Variants in ARMC7 observed in about 807,000 individuals in gnomAD.
ARMC7 encodes the protein armadillo repeat-containing protein 7.
Under a neutral mutation model 14.8 loss-of-function variants are expected in ARMC7, and 9 were observed. The ratio of observed to expected loss-of-function variants is 0.61; its 90% CI spans 0.37 to 1.06. ARMC7 has a LOEUF of 1.06. ARMC7 is among the 50% of genes least tolerant of loss of function. The probability of loss-of-function intolerance (pLI) is 0.01; values close to 1 mark genes in which losing one functional copy is unlikely to be tolerated. For missense variants in ARMC7, 262 were observed against 267.1 expected (o/e 0.98, Z 0.13); for synonymous variants, 125 against 123.4 (o/e 1.01, Z -0.09).
intron 2 of ARMC7, among the ~76,000 whole-genome samples, chr17:75,120,688 C>T (rs911034424): frequency 1.3e-5 from 2 of 151,800 alleles, no homozygotes; most frequent in African/African-American, 2.4e-5. Context: ...GTGGCGGGCA[C>T]CTGTAGTCCC....
chr17:75,116,713 A>G (rs1395100032), intron 2 of ARMC7, among the ~76,000 whole-genome samples: 4 of 152,236 alleles, frequency 2.6e-5, no homozygotes, highest in Non-Finnish European at 5.9e-5. Context: ...TCCTGCCCTT[A>G]GAGGAGTTCC....
intron 2 of ARMC7, among the ~76,000 whole-genome samples, chr17:75,115,279 C>T (rs557398963): frequency 1.3e-5 from 2 of 152,152 alleles, no homozygotes; most frequent in Non-Finnish European, 2.9e-5. Flanking sequence ...TATGGTGGCT[C>T]ACACCTGTAA....
chr17:75,129,406 C>A lies in ARMC7; in HGVS notation c.*368C>A, dbSNP rs1301974206. ...CTGAGGCTTAGGAGAGCTGCCTTCG[C>A]TGCAGGAAATCAGGGATTATCCCTT... On this transcript the variant is annotated 3_prime_UTR_variant, in exon 3 of 3. Transcript: ENST00000245543. 3.6e-6 allele frequency: 1 copy of A among 279,660 alleles called. No homozygotes were observed. Among genetic ancestry groups the A allele is most frequent in the Admixed American group, 4.9e-5 (1 of 20,504 alleles). The allele number at this position is 279,660 out of a possible 1,614,324, so 17.3% of individuals were successfully genotyped here. A position where few individuals can be genotyped will look rare whatever the true frequency, so the allele number is the denominator to read the frequency against.
chr17:75,117,959 A>G (rs2073984927), intron 2 of ARMC7, among the ~76,000 whole-genome samples: 1 of 152,048 alleles, frequency 6.6e-6, no homozygotes, highest in African/African-American at 2.4e-5. Context: ...CGTCTCTACT[A>G]AAAATACAAA....
chr17:75,127,579 C>A (rs1022624540), intron 2 of ARMC7, among the ~76,000 whole-genome samples: 1 of 151,928 alleles, frequency 6.6e-6, no homozygotes, highest in African/African-American at 2.4e-5. Context: ...GGATTATAGG[C>A]GTGAGCCACC....
At chr17:75,124,723 T>C (rs4144088) in intron 2 of ARMC7, among the ~76,000 whole-genome samples, 2 of 152,158 alleles carry the variant, frequency 1.3e-5, no homozygotes, top group East Asian at 1.9e-4. Flanking sequence ...CCATTTCCCA[T>C]GGGAGGGCCG....
At chr17:75,126,070 G>A (rs1318513116) in intron 2 of ARMC7, among the ~76,000 whole-genome samples, 1 of 152,142 alleles carries the variant, frequency 6.6e-6, no homozygotes, top group Non-Finnish European at 1.5e-5. Context: ...AGGGGAAGTG[G>A]GTAGAGCTGT....
intron 2 of ARMC7, among the ~76,000 whole-genome samples, chr17:75,122,574 G>A (rs987026689): frequency 6.6e-6 from 1 of 151,882 alleles, no homozygotes; most frequent in East Asian, 2.0e-4. Context: ...TGTTGGCAAG[G>A]CTAGTCTTGA....
intron 2 of ARMC7, among the ~76,000 whole-genome samples, chr17:75,115,215 G>C (rs1000956805): frequency 2.7e-4 from 41 of 152,282 alleles, no homozygotes; most frequent in Non-Finnish European, 4.0e-4. Flanking sequence ...GCACAGTGGA[G>C]AGCTGAGTCA....
chr17:75,118,530 A>T (rs533825984), intron 2 of ARMC7, among the ~76,000 whole-genome samples: 1 of 152,328 alleles, frequency 6.6e-6, no homozygotes, highest in African/African-American at 2.4e-5. Flanking sequence ...CGGCACCGCC[A>T]CAGCCATGAG....
intron 2 of ARMC7, among the ~76,000 whole-genome samples, chr17:75,127,887 G>A (rs2074063502): frequency 6.6e-6 from 1 of 152,166 alleles, no homozygotes; most frequent in South Asian, 2.1e-4. Context: ...GAGCCACTGT[G>A]CCCAGCCCAT....
intron 2 of ARMC7, among the ~76,000 whole-genome samples, chr17:75,121,335 A>G (rs921652469): frequency 6.6e-6 from 1 of 152,194 alleles, no homozygotes; most frequent in African/African-American, 2.4e-5. Context: ...CGTCATGAGA[A>G]GCTGCCAAAT....
chr17:75,114,694 TTCC>T (rs924325366), intron 2 of ARMC7: 1 of 398,390 alleles, frequency 2.5e-6, no homozygotes, highest in Non-Finnish European at 4.4e-6. Flanking sequence ...AACCATTTTT[TTCC>T]TCCTTTTTTT....
chr17:75,114,541 C>G, intron 2 of ARMC7: 1 of 394,160 alleles, frequency 2.5e-6, no homozygotes, highest in Non-Finnish European at 4.5e-6. Flanking sequence ...AGCTGAGTCC[C>G]GTCCCTTCTC....
chr17:75,118,910 G>A lies in ARMC7; in HGVS notation c.235+8304G>A, dbSNP rs116249316. 3.6e-3 allele frequency among the ~76,000 whole-genome samples: 553 copies of A among 152,308 alleles called. 3 individuals carry two copies. Among genetic ancestry groups the A allele is most frequent in the African/African-American group, 0.012 (507 of 41,556 alleles). ...GGCAAGTCCACTGCCTGGGGCTCCC[G>A]CTGTTAGTGATAACTGGAGCCAGGA... On this transcript the variant is annotated intron_variant, in intron 2 of 2. Coordinates refer to ENST00000245543, the MANE Select transcript of ARMC7 (RefSeq NM_024585.4).
In ARMC7 at chr17:75,128,789, G is replaced by A. The variant is rs768891176; in HGVS notation, c.348G>A (p.Leu116=). The stretch of plus-strand genomic sequence containing the variant: ...CCAGCCCCAATGAGGAGACGGTGCT[G>A]TCTGCCATCACCACGCTCATGCACC... ...CLSSPNEETV[L]SAITTLMHLS... The change falls in exon 3 of 3, where the codon CTG becomes CTA. Residue 116 remains leucine (L), a synonymous_variant. Transcript: ENST00000245543. 1.5e-5 allele frequency: 24 copies of A among 1,613,286 alleles called. No homozygotes were observed. Among genetic ancestry groups the A allele is most frequent in the Admixed American group, 1.0e-4 (6 of 60,002 alleles).
At chr17:75,120,413 T>G (rs2074005002) in intron 2 of ARMC7, among the ~76,000 whole-genome samples, 1 of 152,076 alleles carries the variant, frequency 6.6e-6, no homozygotes, top group Non-Finnish European at 1.5e-5. Context: ...TGTCCTGATG[T>G]CTGGAAGGCC....
chr17:75,119,880 C>T (rs887767584), intron 2 of ARMC7, among the ~76,000 whole-genome samples: 4 of 152,076 alleles, frequency 2.6e-5, no homozygotes, highest in Admixed American at 2.0e-4. Context: ...CAGGTGCCAG[C>T]TAAGCACTTG....
chr17:75,129,847 G>C lies in ARMC7; in HGVS notation c.*809G>C, dbSNP rs1209626368. On this transcript the variant is annotated 3_prime_UTR_variant, in exon 3 of 3. Coordinates refer to ENST00000245543, the MANE Select transcript of ARMC7 (RefSeq NM_024585.4). ...CGGCCCTCCTCTGCTGTCACTCAAT[G>C]ATGGGGAGCCCTACCCCAGAAGTGT... 6.6e-6 allele frequency: 1 copy of C among 152,530 alleles called. No individual in the cohort carries two copies. Among genetic ancestry groups the C allele is most frequent in the African/African-American group, 2.4e-5 (1 of 41,458 alleles). The allele number at this position is 152,530 out of a possible 1,614,324, so 9.4% of individuals were successfully genotyped here. A position where few individuals can be genotyped will look rare whatever the true frequency, so the allele number is the denominator to read the frequency against.
Sources: allele counts gnomAD v4.1 joint callset (sites outside exome capture counted in the v4.1 genomes callset), GRCh38; gene constraint gnomAD v4.1.1; transcripts MANE v1.5; gene names NCBI Gene and HGNC (gene_info 2026-07-23, HGNC 2026-07-21).